Variants in IQCM observed in about 807,000 individuals in gnomAD.
IQCM encodes the protein IQ domain-containing protein M.
IQCM carries 45 observed loss-of-function variants against 57.6 expected under a neutral mutation model. That is an observed-to-expected ratio of 0.78 (90% CI 0.62 to 1.00). The LOEUF (loss-of-function observed/expected upper bound fraction) is 1.00. Among genes scored for constraint, IQCM ranks in the 50% least tolerant of loss-of-function variants. The probability of loss-of-function intolerance (pLI) is 0.00; values close to 1 mark genes in which losing one functional copy is unlikely to be tolerated. For synonymous variants in IQCM, 148 were observed against 158.9 expected (o/e 0.93, Z 0.51); for missense variants, 468 against 511.6 (o/e 0.91, Z 0.82).
chr4:149,660,843 G>C (rs886700262), intron 7 of IQCM, among the ~76,000 whole-genome samples: 2 of 151,630 alleles, frequency 1.3e-5, no homozygotes, highest in Admixed American at 6.6e-5. Context: ...GGGGTGGGGG[G>C]AGTGGGGAGG....
chr4:149,586,526 T>C (rs1303332197), intron 9 of IQCM, among the ~76,000 whole-genome samples: 1 of 151,662 alleles, frequency 6.6e-6, no homozygotes, highest in Non-Finnish European at 1.5e-5. Flanking sequence ...AAAGAGCACA[T>C]AAATTTTATT....
At chr4:149,502,321 A>T (rs570405662) in intron 12 of IQCM, among the ~76,000 whole-genome samples, 3 of 152,322 alleles carry the variant, frequency 2.0e-5, no homozygotes, top group African/African-American at 2.4e-5. Flanking sequence ...GGTAAAGAAA[A>T]TAAAACACAC....
At chr4:149,622,390 T>C (rs1303096283) in intron 7 of IQCM, among the ~76,000 whole-genome samples, 1 of 150,068 alleles carries the variant, frequency 6.7e-6, no homozygotes, top group Non-Finnish European at 1.5e-5. Flanking sequence ...TCCCCCAGGC[T>C]GGAGTGCAGT....
At chr4:149,802,752 T>A (rs1773717367) in intron 2 of IQCM, among the ~76,000 whole-genome samples, 3 of 152,050 alleles carry the variant, frequency 2.0e-5, no homozygotes, top group African/African-American at 7.2e-5. Context: ...TTCAAGGTTA[T>A]ATAGTAAAGA....
At chr4:149,680,106 T>C (rs1448534995) in intron 7 of IQCM, among the ~76,000 whole-genome samples, 1 of 151,372 alleles carries the variant, frequency 6.6e-6, no homozygotes, top group Admixed American at 6.6e-5. Context: ...AAATAAAAAC[T>C]TCCTAAATAA....
At chr4:149,583,622 G>T (rs1056570993) in intron 9 of IQCM, among the ~76,000 whole-genome samples, 5 of 151,564 alleles carry the variant, frequency 3.3e-5, no homozygotes, top group African/African-American at 9.7e-5. Context: ...GAATGCAATA[G>T]GTTATCTTAA....
chr4:149,587,925 T>C lies in IQCM; in HGVS notation c.749+5A>G. 8.3e-7 allele frequency: 1 copy of C among 1,202,044 alleles called. No individual in the cohort carries two copies. The highest frequency in any genetic ancestry group is 4.2e-5 in the Admixed American group (1 of 23,566). 74.5% of individuals were successfully genotyped at this position (1,202,044 alleles called of 1,614,324 possible). On this transcript the variant is annotated splice_donor_5th_base_variant and intron_variant, in intron 9 of 13. Coordinates refer to ENST00000636793, the MANE Select transcript of IQCM (RefSeq NM_001363507.2). ...TTACACTTTTCTATTATATAAAAGA[T>C]ATACCTGGGTTGTGATTTTGGTTCT...
chr4:149,684,564 C>T (rs925162452), intron 6 of IQCM, among the ~76,000 whole-genome samples: 1 of 151,302 alleles, frequency 6.6e-6, no homozygotes, highest in African/African-American at 2.4e-5. Flanking sequence ...GAGCCTGTCC[C>T]TGCATTGTTA....
At chr4:149,475,768 G>A (rs1407962466) in intron 12 of IQCM, among the ~76,000 whole-genome samples, 1 of 151,866 alleles carries the variant, frequency 6.6e-6, no homozygotes, top group South Asian at 2.1e-4. Context: ...GGAAGGGAAC[G>A]ATCAACTTTG....
At chr4:149,721,909 AG>A (rs1205808580) in intron 5 of IQCM, among the ~76,000 whole-genome samples, 1 of 152,140 alleles carries the variant, frequency 6.6e-6, no homozygotes, top group Non-Finnish European at 1.5e-5. Context: ...CATTTCCACC[AG>A]CAGCACATAA....
chr4:149,434,122 A>C (rs1735130358), intron 12 of IQCM, among the ~76,000 whole-genome samples: 1 of 152,232 alleles, frequency 6.6e-6, no homozygotes, highest in Admixed American at 6.6e-5. Context: ...TTTTCATAAC[A>C]TACCTGTAAG....
At chr4:149,470,521 A>T (rs930279682) in intron 12 of IQCM, among the ~76,000 whole-genome samples, 1 of 152,152 alleles carries the variant, frequency 6.6e-6, no homozygotes, top group Non-Finnish European at 1.5e-5. Flanking sequence ...CACAATAATA[A>T]TGGGAGACTT....
chr4:149,554,676 T>A (rs535512604), intron 10 of IQCM, among the ~76,000 whole-genome samples: 2 of 147,220 alleles, frequency 1.4e-5, no homozygotes, highest in South Asian at 4.4e-4. Context: ...TATTTCATAT[T>A]ACACATTAAT....
rs545785229 is a variant in IQCM at position 149,487,120 on chromosome 4, C to A, written c.1229-53563G>T. 1.6e-4 allele frequency among the ~76,000 whole-genome samples: 24 copies of A among 152,218 alleles called. 1 individual carries two copies. In the South Asian group the frequency reaches 5.0e-3, roughly 32 times the overall value. ...TGGTATCACTGCTGGTTATTCAAGG[C>A]CCAAGAGCTTTTTAGTCAGCAGGTG... On this transcript the variant is annotated intron_variant, in intron 12 of 13. Transcript: ENST00000636793.
chr4:149,369,410 T>C (rs1730207738), intron 13 of IQCM, among the ~76,000 whole-genome samples: 1 of 151,940 alleles, frequency 6.6e-6, no homozygotes, highest in Non-Finnish European at 1.5e-5. Flanking sequence ...GAGATTAACA[T>C]AAGGAAGAGG....
intron 2 of IQCM, chr4:149,748,721 A>T (rs1026017678): frequency 2.0e-5 from 3 of 152,212 alleles, no homozygotes; most frequent in Non-Finnish European, 2.9e-5. Context: ...GGTTGGTGAG[A>T]CAAGACTATC....
intron 12 of IQCM, among the ~76,000 whole-genome samples, chr4:149,491,476 C>A (rs969190880): frequency 5.3e-5 from 8 of 152,048 alleles, no homozygotes; most frequent in African/African-American, 1.7e-4. Context: ...TGAGTACAAC[C>A]TTTTCAGATT....
At chr4:149,401,327 A>G (rs1313247282) in intron 13 of IQCM, among the ~76,000 whole-genome samples, 1 of 151,840 alleles carries the variant, frequency 6.6e-6, no homozygotes, top group Non-Finnish European at 1.5e-5. Flanking sequence ...ATTCATATAT[A>G]TTATTTAGAA....
At chr4:149,629,283 A>AC (rs1324671275) in intron 7 of IQCM, among the ~76,000 whole-genome samples, 1 of 152,212 alleles carries the variant, frequency 6.6e-6, no homozygotes, top group African/African-American at 2.4e-5. Flanking sequence ...TTCAAATGGA[A>AC]TGAGCTTTCA....
Sources: gnomAD v4.1 joint callset for allele counts (sites outside exome capture counted in the v4.1 genomes callset) on GRCh38, gnomAD v4.1.1 for gene constraint, MANE v1.5 for transcripts, NCBI Gene and HGNC (gene_info 2026-07-23, HGNC 2026-07-21) for gene names.